Variants in CACNA1D observed in about 807,000 individuals in gnomAD.
CACNA1D encodes voltage-dependent L-type calcium channel subunit alpha-1D.
A neutral mutation model predicts 257.1 loss-of-function variants in CACNA1D; 55 were observed. That is an observed-to-expected ratio of 0.21 (90% CI 0.17 to 0.27). CACNA1D has a LOEUF of 0.27. Among genes scored for constraint, CACNA1D ranks in the 10% least tolerant of loss-of-function variants. CACNA1D has a pLI of 1.00. For missense variants in CACNA1D, 1,876 were observed against 2,784.0 expected (o/e 0.67, Z 7.34); for synonymous variants, 980 against 1,014.9 (o/e 0.97, Z 0.65).
intron 8 of CACNA1D, among the ~76,000 whole-genome samples, chr3:53,685,996 A>C (rs1398997853): frequency 6.6e-6 from 1 of 152,100 alleles, no homozygotes; most frequent in Non-Finnish European, 1.5e-5. Flanking sequence ...CTCTAACAAA[A>C]CTAATCAAAA....
rs118144129 is a variant in CACNA1D at position 53,654,392 on chromosome 3, A to C, written c.623+3474A>C. 4.2e-3 allele frequency among the ~76,000 whole-genome samples: 645 copies of C among 152,362 alleles called. 25 individuals carry two copies. The East Asian group carries it at 0.085, about 20-fold the overall frequency. ...GTGTCTATAGCTTCTATAGAAATAA[A>C]GTACATGACAATGGTAGCATGAAGA... On this transcript the variant is annotated intron_variant, in intron 4 of 47. Transcript: ENST00000350061.
At chr3:53,521,609 A>G (rs1053330375) in intron 3 of CACNA1D, among the ~76,000 whole-genome samples, 2 of 152,090 alleles carry the variant, frequency 1.3e-5, no homozygotes, top group Non-Finnish European at 2.9e-5. Flanking sequence ...TGAGGGTCGA[A>G]AGGTTTGGGT....
chr3:53,647,706 A>G (rs2094037587), intron 3 of CACNA1D, among the ~76,000 whole-genome samples: 1 of 152,250 alleles, frequency 6.6e-6, no homozygotes, highest in African/African-American at 2.4e-5. Context: ...TTTAAAAATA[A>G]TACTTCATTT....
rs1204518227 is a variant in CACNA1D at position 53,494,765 on chromosome 3, G to T, written c.-402G>T. The T allele has an allele frequency of 1.4e-5, 2 of 147,310 alleles. No individual in the cohort carries two copies. The highest frequency in any genetic ancestry group is 1.4e-4 in the Admixed American group (2 of 14,742). The allele number at this position is 147,310 out of a possible 1,614,324, so 9.1% of individuals were successfully genotyped here. ...CGGGCACCGCGGCGGGCGGGCAGACGGGCGGGCATGGGGGGAGCGCCGAGC... is the reference window on the plus strand; with the variant it reads ...CGGGCACCGCGGCGGGCGGGCAGACTGGCGGGCATGGGGGGAGCGCCGAGC... On this transcript the variant is annotated 5_prime_UTR_variant, in exon 1 of 48. Coordinates refer to ENST00000350061, the MANE Select transcript of CACNA1D (RefSeq NM_001128840.3).
At chr3:53,773,383 T>C in intron 33 of CACNA1D, 1 of 191,564 alleles carries the variant, frequency 5.2e-6, no homozygotes, top group Non-Finnish European at 1.1e-5. Context: ...GGCTGCACCC[T>C]GTTTCCCAGT....
At chr3:53,579,061 T>A (rs1228558041) in intron 3 of CACNA1D, among the ~76,000 whole-genome samples, 1 of 152,186 alleles carries the variant, frequency 6.6e-6, no homozygotes, top group African/African-American at 2.4e-5. Context: ...GGAGCCGCCA[T>A]CAGCTCTTGA....
intron 3 of CACNA1D, among the ~76,000 whole-genome samples, chr3:53,556,905 G>A (rs1289563140): frequency 6.6e-6 from 1 of 151,804 alleles, no homozygotes; most frequent in Non-Finnish European, 1.5e-5. Flanking sequence ...TAGTAGAGAT[G>A]GGGTTTTACC....
chr3:53,552,441 C>T (rs2092553762), intron 3 of CACNA1D, among the ~76,000 whole-genome samples: 1 of 152,166 alleles, frequency 6.6e-6, no homozygotes, highest in African/African-American at 2.4e-5. Context: ...ACTGCAATTG[C>T]ACAATCTCAG....
intron 4 of CACNA1D, among the ~76,000 whole-genome samples, chr3:53,656,901 C>G (rs928432875): frequency 2.0e-5 from 3 of 152,138 alleles, no homozygotes; most frequent in Non-Finnish European, 4.4e-5. Context: ...AAAGACTGAA[C>G]ATACCAAGTC....
chr3:53,650,653 G>T (rs1559468247), intron 3 of CACNA1D, 126 bp from the exon 4 acceptor site: 8 of 1,002,864 alleles, frequency 8.0e-6, no homozygotes, highest in Non-Finnish European at 1.2e-5. Flanking sequence ...TTCTCATAAT[G>T]AAACTTTGTT....
In CACNA1D at chr3:53,501,686, C is replaced by G; in HGVS notation, c.449C>G (p.Pro150Arg). 6.3e-7 allele frequency: 1 copy of G among 1,598,506 alleles called. No homozygotes were observed. The highest frequency in any genetic ancestry group is 8.6e-7 in the Non-Finnish European group (1 of 1,166,206). Residue 150 changes from proline (P) to arginine (R), a missense_variant, in exon 3 of 48, where the codon CCT becomes CGT. Physicochemically the swap from Pro to Arg is moderately radical, Grantham distance 103. Transcript: ENST00000350061. Reference sequence around the variant, plus strand: ...GCCTTAGCTATTTACATCCCATTCCCTGAAGATGATTCTAATTCAACAAAT... The same window carrying G: ...GCCTTAGCTATTTACATCCCATTCCGTGAAGATGATTCTAATTCAACAAAT... The part of the protein sequence containing the change: ...CVALAIYIPF[P>R]EDDSNSTNHN...
intron 22 of CACNA1D, among the ~76,000 whole-genome samples, chr3:53,743,489 G>A (rs2095136828): frequency 6.6e-6 from 1 of 152,180 alleles, no homozygotes; most frequent in Non-Finnish European, 1.5e-5. Context: ...TATAGGAGGG[G>A]CTGGGACCAG....
intron 5 of CACNA1D, among the ~76,000 whole-genome samples, chr3:53,664,709 C>A (rs1035134727): frequency 1.7e-4 from 23 of 138,948 alleles, no homozygotes; most frequent in Admixed American, 1.4e-3. Flanking sequence ...TGCCTCAGGA[C>A]CCTTTCTTCA....
At position 53,660,292 on chromosome 3, in the gene CACNA1D, T is replaced by A; in HGVS notation, c.766+17T>A. 6.2e-7 allele frequency: 1 copy of A among 1,613,102 alleles called. No individual in the cohort carries two copies. The highest frequency in any genetic ancestry group is 8.5e-7 in the Non-Finnish European group (1 of 1,179,404). On this transcript the variant is annotated intron_variant, in intron 5 of 47. Coordinates refer to ENST00000350061, the MANE Select transcript of CACNA1D (RefSeq NM_001128840.3). Reference sequence around the variant, plus strand: ...GAGTGCCCAGTAAGCACTTATTGTTTCCTAGAGTCAGGAGTGTGCTGGTTT... The same window carrying A: ...GAGTGCCCAGTAAGCACTTATTGTTACCTAGAGTCAGGAGTGTGCTGGTTT...
intron 3 of CACNA1D, among the ~76,000 whole-genome samples, chr3:53,626,484 GGAGA>G (rs1393912886): frequency 1.3e-5 from 2 of 152,198 alleles, no homozygotes; most frequent in East Asian, 3.9e-4. Flanking sequence ...GAGGGGAAAT[GGAGA>G]GAGAAAGGAG....
chr3:53,509,394 T>C (rs2091011937), intron 3 of CACNA1D, among the ~76,000 whole-genome samples: 1 of 152,132 alleles, frequency 6.6e-6, no homozygotes, highest in Admixed American at 6.5e-5. Flanking sequence ...GGACGAAGCC[T>C]TCCTTTGGTG....
At chr3:53,726,076 A>T (rs2094931819) in intron 14 of CACNA1D, among the ~76,000 whole-genome samples, 1 of 152,234 alleles carries the variant, frequency 6.6e-6, no homozygotes, top group African/African-American at 2.4e-5. Flanking sequence ...GACTATGTGG[A>T]ATGCTATGCA....
At chr3:53,806,228 C>G (rs867947582) in intron 45 of CACNA1D, among the ~76,000 whole-genome samples, 16 of 138,922 alleles carry the variant, frequency 1.2e-4, no homozygotes, top group African/African-American at 3.9e-4. Flanking sequence ...CCCCCTTCCT[C>G]TCCCTTGCCT....
chr3:53,543,039 C>T (rs1208663766), intron 3 of CACNA1D, among the ~76,000 whole-genome samples: 2 of 143,552 alleles, frequency 1.4e-5, no homozygotes, highest in South Asian at 2.1e-4. Context: ...GCAACAAGAG[C>T]GAAACTCCGA....
Sources: gnomAD v4.1 joint callset for allele counts (sites outside exome capture counted in the v4.1 genomes callset) on GRCh38, gnomAD v4.1.1 for gene constraint, MANE v1.5 for transcripts, NCBI Gene and HGNC (gene_info 2026-07-23, HGNC 2026-07-21) for gene names.